COL11A2: variants seen among roughly 807,000 people sequenced by gnomAD.
COL11A2 encodes the protein collagen alpha-2(XI) chain.
COL11A2 carries 116 observed loss-of-function variants against 273.4 expected under a neutral mutation model. The observed-to-expected ratio is 0.42, with a 90% CI of 0.36 to 0.49. The LOEUF is 0.49. Ranked by LOEUF, COL11A2 falls within the 20% of genes least tolerant of loss-of-function variation. COL11A2 has a pLI of 0.00. For synonymous variants in COL11A2, 782 were observed against 864.2 expected (o/e 0.90, Z 1.67); for missense variants, 1,866 against 2,309.0 (o/e 0.81, Z 3.93).
Position 33,164,528 on chromosome 6 carries a change from A to C in COL11A2, c.4864-55T>G. 7.1e-7 allele frequency: 1 copy of C among 1,411,438 alleles called. No individual in the cohort carries two copies. Among genetic ancestry groups the C allele is most frequent in the South Asian group, 1.4e-5 (1 of 71,692 alleles). The allele number at this position is 1,411,438 out of a possible 1,614,324, so 87.4% of individuals were successfully genotyped here. A position where few individuals can be genotyped will look rare whatever the true frequency, so the allele number is the denominator to read the frequency against. ...GGGGGAGAGAGAGGGCTGGCCTCAG[A>C]GGGAGACAGAGACGGGCCTCAGGAG... On this transcript the variant is annotated intron_variant, in intron 64 of 65. Coordinates refer to ENST00000341947, the MANE Select transcript of COL11A2 (RefSeq NM_080680.3). This position sits in a 1 kb window ranked among gnomAD's most constrained non-coding sequence, Gnocchi z 4.7.
In COL11A2 at chr6:33,163,859, G is replaced by A; in HGVS notation, c.5071-41C>T. ...AGGAAGAAAGTGTGAGCAGGATGGA[G>A]GCACCCCCCACCCTCTAACCTCAGG... On this transcript the variant is annotated intron_variant, in intron 65 of 65. Transcript: ENST00000341947. This position sits in a 1 kb window ranked among gnomAD's most constrained non-coding sequence, Gnocchi z 4.1. 1.2e-6 allele frequency: 2 copies of A among 1,612,762 alleles called. No homozygotes were observed. The highest frequency in any genetic ancestry group is 1.7e-4 in the Middle Eastern group (1 of 6,036).
chr6:33,189,149 C>G lies in COL11A2; in HGVS notation c.272G>C (p.Arg91Pro). 1 of 1,613,926 alleles carries G rather than the reference C, an allele frequency of 6.2e-7. No individual in the cohort carries two copies. The highest frequency in any genetic ancestry group is 8.5e-7 in the Non-Finnish European group (1 of 1,179,894). Residue 91 changes from arginine to proline, a missense_variant, in exon 3 of 66, where the codon CGG becomes CCG. Coordinates refer to ENST00000341947, the MANE Select transcript of COL11A2 (RefSeq NM_080680.3). This position sits in a 1 kb window ranked among gnomAD's most constrained non-coding sequence, Gnocchi z 5.6. ...PKDFSLLTVV[R>P]TRPGLQAPLL... is the part of the protein sequence containing the mutation. Reference sequence around the variant, plus strand: ...GGGAGCTTGGAGACCAGGGCGGGTCCGGACAACAGTCAGCAGAGAGAAATC... The same window carrying G: ...GGGAGCTTGGAGACCAGGGCGGGTCGGGACAACAGTCAGCAGAGAGAAATC...
Position 33,163,045 on chromosome 6 carries a change from CAG to C in COL11A2, c.*631_*632del. Reference sequence around the variant, plus strand: ...TGGAAGAGACAGTGGGCACATGGGCCAGGCAGCCAACACCTGTGGGTTAGAGA... The same window carrying C: ...TGGAAGAGACAGTGGGCACATGGGCCGCAGCCAACACCTGTGGGTTAGAGA... On this transcript the variant is annotated 3_prime_UTR_variant, in exon 66 of 66. Transcript: ENST00000341947. The surrounding 1 kb of genome is among the most constrained non-coding windows in gnomAD (Gnocchi z 4.1). 6.3e-6 allele frequency: 1 copy of C among 158,406 alleles called. No homozygotes were observed. The allele number at this position is 158,406 out of a possible 1,614,324, so 9.8% of individuals were successfully genotyped here.
In COL11A2 at chr6:33,176,646, G is replaced by A. The variant is rs1770947257; in HGVS notation, c.2115+75C>T. On this transcript the variant is annotated intron_variant, in intron 26 of 65. Coordinates refer to ENST00000341947, the MANE Select transcript of COL11A2 (RefSeq NM_080680.3). The surrounding 1 kb of genome is among the most constrained non-coding windows in gnomAD (Gnocchi z 4.9). ...AGAGCCATATGAATAATGAGACAAGGGAATCCCAAGGACTTTGAGGCTCTA... is the reference window on the plus strand; with the variant it reads ...AGAGCCATATGAATAATGAGACAAGAGAATCCCAAGGACTTTGAGGCTCTA... The A allele has an allele frequency of 4.1e-6, 6 of 1,476,932 alleles. No individual in the cohort carries two copies. The highest frequency in any genetic ancestry group is 1.2e-5 in the South Asian group (1 of 85,596). The allele number at this position is 1,476,932 out of a possible 1,614,324, so 91.5% of individuals were successfully genotyped here. A position where few individuals can be genotyped will look rare whatever the true frequency, so the allele number is the denominator to read the frequency against.
Position 33,177,012 on chromosome 6 carries a change from G to C in COL11A2, c.2050C>G (p.Pro684Ala), listed in dbSNP as rs1250036373. The C allele has an allele frequency of 2.5e-6, 4 of 1,611,938 alleles. No individual in the cohort carries two copies. The highest frequency in any genetic ancestry group is 2.2e-5 in the East Asian group (1 of 44,836). Residue 684 changes from proline to alanine, a missense_variant, in exon 25 of 66, where the codon CCT becomes GCT. Pro to Ala is a conservative substitution (Grantham distance 27, BLOSUM62 -1). Transcript: ENST00000341947. The surrounding 1 kb of genome is among the most constrained non-coding windows in gnomAD (Gnocchi z 5.9). ...CTCACCGGGGGTCCGTCTGAGCCAG[G>C]CATGCCGGGGAGCCCTGGCTTCCCT... ...PQGKPGLPGM[P>A]GSDGPPGHPG...
Position 33,167,979 on chromosome 6 carries a change from C to T in COL11A2, c.3961-127G>A, listed in dbSNP as rs1364699384. ...CACGTGCATACACAGGGACACGCGC[C>T]GAGGGCCGATTCACAGATGTGCAGA... On this transcript the variant is annotated intron_variant, in intron 54 of 65. Coordinates refer to ENST00000341947, the MANE Select transcript of COL11A2 (RefSeq NM_080680.3). The surrounding 1 kb of genome is among the most constrained non-coding windows in gnomAD (Gnocchi z 6.1). The T allele has an allele frequency of 1.1e-5, 11 of 965,366 alleles. No homozygotes were observed. The highest frequency in any genetic ancestry group is 2.0e-4 in the Middle Eastern group (1 of 4,904). 59.8% of individuals were successfully genotyped at this position (965,366 alleles called of 1,614,324 possible).
In COL11A2 at chr6:33,189,346, C is replaced by T. The variant is rs768281037; in HGVS notation, c.206G>A (p.Ser69Asn). The T allele has an allele frequency of 6.2e-7, 1 of 1,613,480 alleles. No individual in the cohort carries two copies. Among genetic ancestry groups the T allele is most frequent in the Non-Finnish European group, 8.5e-7 (1 of 1,180,040 alleles). The change falls in exon 2 of 66, where the codon AGT becomes AAT. Residue 69 changes from serine (S) to asparagine (N), a missense_variant. Ser to Asn is a conservative substitution (Grantham distance 46). Transcript: ENST00000341947. This position sits in a 1 kb window ranked among gnomAD's most constrained non-coding sequence, Gnocchi z 5.6. ...TGGGAAAAGCTGGCGAGTGGGTGCA[C>T]TGAGCTGGGCAGGTCGTGCCACTCG... is the stretch of plus-strand genomic sequence containing the variant. ...AYRVARPAQLSAPTRQLFPGG... is the reference protein window; with the variant it reads ...AYRVARPAQLNAPTRQLFPGG...
rs1768638767 is a variant in COL11A2, at chr6:33,163,549, G to A, written c.*129C>T. On this transcript the variant is annotated 3_prime_UTR_variant, in exon 66 of 66. Coordinates refer to ENST00000341947, the MANE Select transcript of COL11A2 (RefSeq NM_080680.3). This position sits in a 1 kb window ranked among gnomAD's most constrained non-coding sequence, Gnocchi z 4.1. ...CCCTCCCCTGGCCTGCCCCGACTGA[G>A]GGCTCTCCACGCCCTGGCCCAGGGC... 1 of 1,466,674 alleles carries A rather than the reference G, an allele frequency of 6.8e-7. No homozygotes were observed. The highest frequency in any genetic ancestry group is 1.4e-5 in the African/African-American group (1 of 71,914). The allele number at this position is 1,466,674 out of a possible 1,614,324, so 90.9% of individuals were successfully genotyped here.
intron 31 of COL11A2, 58 bp downstream of exon 31, chr6:33,174,469 A>G: frequency 6.3e-7 from 1 of 1,593,188 alleles, no homozygotes; most frequent in Non-Finnish European, 8.6e-7. Flanking sequence ...ATCAGGGATC[A>G]GGGAAGCGAA....
chr6:33,168,639 G>A (rs1384739659), intron 53 of COL11A2, 67 bp from the exon 54 acceptor site: 3 of 1,600,204 alleles, frequency 1.9e-6, no homozygotes, highest in Admixed American at 1.7e-5. Context: ...CAGGAGTGGG[G>A]CACAGAAGAG....
chr6:33,163,368 C>T lies in COL11A2; in HGVS notation c.*310G>A. 1 of 496,412 alleles carries T rather than the reference C, an allele frequency of 2.0e-6. No homozygotes were observed. The highest frequency in any genetic ancestry group is 3.2e-5 in the East Asian group (1 of 31,468). 30.8% of individuals were successfully genotyped at this position (496,412 alleles called of 1,614,324 possible). A position where few individuals can be genotyped will look rare whatever the true frequency, so the allele number is the denominator to read the frequency against. Reference sequence around the variant, plus strand: ...CAATTACTTTTAAATACAAAATACGCCATGTCCTTTCTCTTCTCTTCCATT... The same window carrying T: ...CAATTACTTTTAAATACAAAATACGTCATGTCCTTTCTCTTCTCTTCCATT... On this transcript the variant is annotated 3_prime_UTR_variant, in exon 66 of 66. Transcript: ENST00000341947. The surrounding 1 kb of genome is among the most constrained non-coding windows in gnomAD (Gnocchi z 4.1).
rs751194172 is a variant in COL11A2 at position 33,184,297 on chromosome 6, T to C, written c.967A>G (p.Thr323Ala). 1 of 1,367,230 alleles carries C rather than the reference T, an allele frequency of 7.3e-7. No homozygotes were observed. Among genetic ancestry groups the C allele is most frequent in the Non-Finnish European group, 9.8e-7 (1 of 1,021,856 alleles). 84.7% of individuals were successfully genotyped at this position (1,367,230 alleles called of 1,614,324 possible). The change falls in exon 8 of 66, where the codon ACA (threonine) becomes GCA (alanine). Residue 323 changes from threonine (T) to alanine (A), a missense_variant. Transcript: ENST00000341947. ...EEQTDLQVPP[T>A]ADRFQAEEYG... ...TCCTCTGCCTGGAACCTGTCGGCTGTGGGGGGGACCTGGAGATCTGTCTGC... is the reference window on the plus strand; with the variant it reads ...TCCTCTGCCTGGAACCTGTCGGCTGCGGGGGGGACCTGGAGATCTGTCTGC...
At chr6:33,174,971 C>A (rs912868218) in intron 30 of COL11A2, among the ~76,000 whole-genome samples, 2 of 152,160 alleles carry the variant, frequency 1.3e-5, no homozygotes, top group African/African-American at 2.4e-5. Context: ...CCACCACACC[C>A]CGACTCCCGT....
At position 33,166,388 on chromosome 6, in the gene COL11A2, G is replaced by T; in HGVS notation, c.4392+125C>A. 7.6e-7 allele frequency: 1 copy of T among 1,310,052 alleles called. No homozygotes were observed. The highest frequency in any genetic ancestry group is 1.1e-6 in the Non-Finnish European group (1 of 940,300). The allele number at this position is 1,310,052 out of a possible 1,614,324, so 81.2% of individuals were successfully genotyped here. A position where few individuals can be genotyped will look rare whatever the true frequency, so the allele number is the denominator to read the frequency against. On this transcript the variant is annotated intron_variant, in intron 60 of 65. Coordinates refer to ENST00000341947, the MANE Select transcript of COL11A2 (RefSeq NM_080680.3). The surrounding 1 kb of genome is among the most constrained non-coding windows in gnomAD (Gnocchi z 4.8). ...GGGGAGGAGGTACTGGTGGTGACAGGACAAATGGGGGACCCTGAGGACTAT... is the reference window on the plus strand; with the variant it reads ...GGGGAGGAGGTACTGGTGGTGACAGTACAAATGGGGGACCCTGAGGACTAT...
At chr6:33,180,195 G>C in intron 12 of COL11A2, 63 bp downstream of exon 12, 1 of 1,498,012 alleles carries the variant, frequency 6.7e-7, no homozygotes. Context: ...CTGGTTCTTG[G>C]TAACATGACA....
chr6:33,168,895 A>AG (rs1769605851), intron 52 of COL11A2, 60 bp downstream of exon 52: 5 of 1,540,552 alleles, frequency 3.2e-6, no homozygotes, highest in Non-Finnish European at 3.5e-6. Flanking sequence ...GGCCACACAG[A>AG]GGACCCCCCC....
rs1229785272 is a variant in COL11A2, at chr6:33,164,980, G to A, written c.4751-16C>T. On this transcript the variant is annotated splice_polypyrimidine_tract_variant and intron_variant, in intron 63 of 65. Transcript: ENST00000341947. The surrounding 1 kb of genome is among the most constrained non-coding windows in gnomAD (Gnocchi z 4.7). The stretch of plus-strand genomic sequence containing the variant: ...CAGTACTCTCCTGTTGGGTGAGGGA[G>A]AGGGGAGGTCAGGGCCACCTAGGTC... 2 of 1,559,446 alleles carry A rather than the reference G, an allele frequency of 1.3e-6. No homozygotes were observed. The highest frequency in any genetic ancestry group is 1.7e-6 in the Non-Finnish European group (2 of 1,149,892).
chr6:33,174,605 G>C (rs1391372586), intron 30 of COL11A2, 25 bp from the exon 31 acceptor site: 1 of 1,609,814 alleles, frequency 6.2e-7, no homozygotes, highest in East Asian at 2.2e-5. Context: ...GAAGCAGTTA[G>C]GAGTGAGAGG....
Position 33,165,713 on chromosome 6 carries a change from G to T in COL11A2, c.4586C>A (p.Pro1529Gln). The change falls in exon 63 of 66, where the codon CCG becomes CAG. Residue 1529 changes from proline to glutamine, a missense_variant. Transcript: ENST00000341947. This position sits in a 1 kb window ranked among gnomAD's most constrained non-coding sequence, Gnocchi z 7.7. ...SRLMQEDEAI[P>Q]TGGAPGSPGG... The stretch of plus-strand genomic sequence containing the variant: ...AGGACTGCCGGGGGCTCCCCCGGTC[G>T]GTATGGCCTCATCTTCCTGCATCAG... The T allele has an allele frequency of 6.2e-7, 1 of 1,611,158 alleles. No individual in the cohort carries two copies.
Sources: gnomAD v4.1 joint callset for allele counts (sites outside exome capture counted in the v4.1 genomes callset) on GRCh38, gnomAD v4.1.1 for gene constraint, Gnocchi (gnomAD v3.1) non-coding constraint, MANE v1.5 for transcripts, NCBI Gene and HGNC (gene_info 2026-07-23, HGNC 2026-07-21) for gene names.